Variants in QTMAN observed in about 807,000 individuals in gnomAD.
QTMAN encodes queuosine-tRNA mannosyltransferase, also known as tRNA-queuosine alpha-mannosyltransferase.
chr2:144,107,298 A>T, the QTMAN span, among the ~76,000 whole-genome samples: 1 of 152,370 alleles, frequency 6.6e-6, no homozygotes, highest in Admixed American at 6.5e-5. Context: ...AAACCCTTCA[A>T]AAAATCAATG....
the QTMAN span, among the ~76,000 whole-genome samples, chr2:143,997,868 C>T: frequency 6.6e-6 from 1 of 152,008 alleles, no homozygotes; most frequent in South Asian, 2.1e-4. Flanking sequence ...CTTGATTTCC[C>T]AGTAATGACC....
the QTMAN span, among the ~76,000 whole-genome samples, chr2:144,065,452 T>C: frequency 1.3e-5 from 2 of 152,330 alleles, no homozygotes; most frequent in South Asian, 2.1e-4. Context: ...TGCAGATACA[T>C]GTAGGAGATT....
the QTMAN span, among the ~76,000 whole-genome samples, chr2:144,327,378 T>C: frequency 6.6e-6 from 1 of 152,090 alleles, no homozygotes; most frequent in Admixed American, 6.5e-5. Context: ...CCCCAATACC[T>C]GAACAAATGA....
At chr2:144,198,229 C>A in the QTMAN span, among the ~76,000 whole-genome samples, 26 of 150,768 alleles carry the variant, frequency 1.7e-4, no homozygotes, top group East Asian at 5.9e-4. Flanking sequence ...AAAAAAAAAA[C>A]AAAATACCAG....
the QTMAN span, among the ~76,000 whole-genome samples, chr2:144,322,405 T>C: frequency 1.3e-5 from 2 of 152,146 alleles, no homozygotes; most frequent in African/African-American, 4.8e-5. Flanking sequence ...AATAAGACAA[T>C]ACATTTTAGG....
the QTMAN span, among the ~76,000 whole-genome samples, chr2:144,036,777 A>C: frequency 1.3e-5 from 2 of 152,160 alleles, no homozygotes; most frequent in Non-Finnish European, 2.9e-5. Flanking sequence ...TTGCAACTTT[A>C]AGTGTCTCAT....
chr2:144,209,101 C>G, the QTMAN span, among the ~76,000 whole-genome samples: 1 of 152,186 alleles, frequency 6.6e-6, no homozygotes, highest in Non-Finnish European at 1.5e-5. Flanking sequence ...GCTGAAAGCC[C>G]TCACCTGCTG....
chr2:144,146,634 C>A, the QTMAN span, among the ~76,000 whole-genome samples: 2 of 151,722 alleles, frequency 1.3e-5, no homozygotes, highest in South Asian at 4.1e-4. Context: ...AAACAGAAAG[C>A]AATACTAATT....
At chr2:144,076,794 A>G in the QTMAN span, among the ~76,000 whole-genome samples, 1 of 152,174 alleles carries the variant, frequency 6.6e-6, no homozygotes, top group African/African-American at 2.4e-5. Context: ...ATACTGTGCT[A>G]TCAAGGTAGG....
At chr2:144,222,633 C>T in the QTMAN span, among the ~76,000 whole-genome samples, 7 of 151,610 alleles carry the variant, frequency 4.6e-5, no homozygotes, top group Middle Eastern at 3.4e-3. Context: ...GGTGAAATCC[C>T]GTCCCTACTA....
the QTMAN span, among the ~76,000 whole-genome samples, chr2:144,230,721 A>C: frequency 6.6e-6 from 1 of 152,180 alleles, no homozygotes; most frequent in Non-Finnish European, 1.5e-5. Context: ...TCATTAATAA[A>C]ATTGTATTGT....
At chr2:144,096,064 C>A in the QTMAN span, among the ~76,000 whole-genome samples, 1 of 152,196 alleles carries the variant, frequency 6.6e-6, no homozygotes, top group Non-Finnish European at 1.5e-5. Context: ...TCTCTCAGCC[C>A]TTTCTTTGTG....
the QTMAN span, among the ~76,000 whole-genome samples, chr2:144,126,900 GC>G: frequency 6.6e-6 from 1 of 151,932 alleles, no homozygotes. Flanking sequence ...TAACTAGAAG[GC>G]TTTTTGAACC....
At chr2:144,022,860 C>T in the QTMAN span, among the ~76,000 whole-genome samples, 9 of 152,112 alleles carry the variant, frequency 5.9e-5, no homozygotes, top group African/African-American at 1.7e-4. Context: ...GTAATCCTCT[C>T]TTTATCAATT....
At chr2:144,292,463 TTC>T in the QTMAN span, among the ~76,000 whole-genome samples, 1 of 152,244 alleles carries the variant, frequency 6.6e-6, no homozygotes, top group African/African-American at 2.4e-5. Flanking sequence ...TTATTTGTGC[TTC>T]TCTTACACCA....
At chr2:144,084,742 C>T in the QTMAN span, among the ~76,000 whole-genome samples, 1 of 150,520 alleles carries the variant, frequency 6.6e-6, no homozygotes, top group Non-Finnish European at 1.5e-5. Flanking sequence ...GAAAAGCAAA[C>T]ATAAAGTTTC....
At chr2:144,258,567 A>T in the QTMAN span, among the ~76,000 whole-genome samples, 1 of 152,212 alleles carries the variant, frequency 6.6e-6, no homozygotes, top group South Asian at 2.1e-4. Context: ...GTTATGTGAT[A>T]CCCAGCCAAA....
At chr2:143,966,738 A>T in the QTMAN span, among the ~76,000 whole-genome samples, 150,788 of 152,382 alleles carry the variant, frequency 0.99, 74,632 homozygotes, top group East Asian at 1. Context: ...TCTACTATAC[A>T]TTTTAGGAAA....
chr2:144,328,241 A>ACAT, the QTMAN span, among the ~76,000 whole-genome samples: 1 of 152,286 alleles, frequency 6.6e-6, no homozygotes, highest in East Asian at 1.9e-4. Flanking sequence ...ATGAGCCACC[A>ACAT]CATCTGGCTC....
Sources: allele counts gnomAD v4.1 joint callset (sites outside exome capture counted in the v4.1 genomes callset), GRCh38; gene constraint gnomAD v4.1.1; transcripts MANE v1.5; gene names NCBI Gene and HGNC (gene_info 2026-07-23, HGNC 2026-07-21).